The following ATP8B4 variants were observed in gnomAD, a reference collection of about 807,000 sequenced individuals.
ATP8B4 encodes probable phospholipid-transporting ATPase IM.
A neutral mutation model predicts 145.6 loss-of-function variants in ATP8B4; 133 were observed. That is an observed-to-expected ratio of 0.91 (90% CI 0.79 to 1.05). The LOEUF is 1.05. Among genes scored for constraint, ATP8B4 ranks in the 50% least tolerant of loss-of-function variants. The probability of loss-of-function intolerance (pLI) is 0.00; values close to 1 mark genes in which losing one functional copy is unlikely to be tolerated. For missense variants in ATP8B4, 1,458 were observed against 1,425.2 expected, an observed-to-expected ratio of 1.02 and a Z score of -0.37; for synonymous variants, 507 against 492.9, an observed-to-expected ratio of 1.03 and a Z score of -0.38.
At chr15:50,177,913 A>G (rs2044787625) in intron 1 of ATP8B4, among the ~76,000 whole-genome samples, 1 of 152,200 alleles carries the variant, frequency 6.6e-6, no homozygotes. Flanking sequence ...CTTTAAAAGA[A>G]CATTTGAGAT....
At chr15:49,864,579 A>G (rs1377033742) in intron 26 of ATP8B4, among the ~76,000 whole-genome samples, 2 of 152,172 alleles carry the variant, frequency 1.3e-5, no homozygotes, top group African/African-American at 4.8e-5. Flanking sequence ...GCTGGGAATC[A>G]TTTTGAAATG....
chr15:49,936,840 T>C (rs972257175), intron 14 of ATP8B4, among the ~76,000 whole-genome samples: 1 of 152,064 alleles, frequency 6.6e-6, no homozygotes, highest in Admixed American at 6.6e-5. Flanking sequence ...ATGTTCTGAG[T>C]CTTTCTTTTC....
intron 1 of ATP8B4, among the ~76,000 whole-genome samples, chr15:50,142,920 T>A (rs2044231441): frequency 6.6e-6 from 1 of 152,158 alleles, no homozygotes; most frequent in African/African-American, 2.4e-5. Context: ...TCCTCCCTTT[T>A]GAGAAGAAAC....
chr15:49,978,846 T>C (rs958035665), intron 12 of ATP8B4, among the ~76,000 whole-genome samples: 3 of 145,804 alleles, frequency 2.1e-5, no homozygotes, highest in Non-Finnish European at 4.5e-5. Flanking sequence ...GTATGTGTTC[T>C]GTTTGTGTGC....
chr15:50,125,642 T>G (rs2057302561), intron 1 of ATP8B4, among the ~76,000 whole-genome samples: 1 of 151,712 alleles, frequency 6.6e-6, no homozygotes, highest in African/African-American at 2.4e-5. Flanking sequence ...AAGACAGGAG[T>G]CTAAGATTTC....
chr15:49,891,575 C>T (rs1435198606), intron 23 of ATP8B4, among the ~76,000 whole-genome samples: 1 of 152,180 alleles, frequency 6.6e-6, no homozygotes, highest in Non-Finnish European at 1.5e-5. Flanking sequence ...ATCTGCCCAC[C>T]TTGGCCTCCC....
At chr15:49,927,819 G>A (rs537549530) in intron 16 of ATP8B4, among the ~76,000 whole-genome samples, 6 of 152,070 alleles carry the variant, frequency 3.9e-5, no homozygotes, top group East Asian at 1.9e-4. Flanking sequence ...CACCTAGAAC[G>A]GCATGTGTGC....
At chr15:49,967,170 G>C (rs1352231905) in intron 13 of ATP8B4, among the ~76,000 whole-genome samples, 2 of 152,166 alleles carry the variant, frequency 1.3e-5, no homozygotes, top group Non-Finnish European at 1.5e-5. Context: ...GGAAAAACCA[G>C]TGCAAAAAAG....
Position 50,008,267 on chromosome 15 carries a change from G to A in ATP8B4, c.435+2578C>T, listed in dbSNP as rs527883388. 2.5e-4 allele frequency among the ~76,000 whole-genome samples: 38 copies of A among 152,262 alleles called. 1 individual carries two copies. The highest frequency in any genetic ancestry group is 8.7e-4 in the African/African-American group (36 of 41,558). On this transcript the variant is annotated intron_variant, in intron 7 of 27. Transcript: ENST00000284509. ...GGAAGCATCACCTAGGTCATGTGGC[G>A]CCACTCCCAGCTCCCAAACTCACCA...
intron 2 of ATP8B4, among the ~76,000 whole-genome samples, chr15:50,075,993 A>G (rs1037730264): frequency 3.3e-5 from 5 of 152,244 alleles, no homozygotes; most frequent in Admixed American, 2.6e-4. Flanking sequence ...GGTATGCTGC[A>G]TGTAATTAAT....
intron 1 of ATP8B4, among the ~76,000 whole-genome samples, chr15:50,137,499 C>T (rs1461676580): frequency 6.6e-6 from 1 of 152,214 alleles, no homozygotes; most frequent in African/African-American, 2.4e-5. Context: ...GACATTTAAA[C>T]ATCTTGACTA....
At chr15:50,149,387 A>C (rs181573641) in intron 1 of ATP8B4, among the ~76,000 whole-genome samples, 6 of 152,290 alleles carry the variant, frequency 3.9e-5, no homozygotes, top group African/African-American at 7.2e-5. Flanking sequence ...TCTTCAAATC[A>C]GTCAGACCTG....
rs7162172 is a variant in ATP8B4 at position 50,072,644 on chromosome 15, T to G, written c.87+1483A>C. On this transcript the variant is annotated intron_variant, in intron 3 of 27. Transcript: ENST00000284509. The stretch of plus-strand genomic sequence containing the variant: ...CTTTTGTTTTTTTTTCCTTTCGAGA[T>G]GGAGTCTCCCTCTGTCACCCAGGCT... Among the ~76,000 whole-genome samples, 177 of 151,434 alleles carry G rather than the reference T, an allele frequency of 1.2e-3. 1 individual carries two copies. Among genetic ancestry groups the G allele is most frequent in the African/African-American group, 4.0e-3 (164 of 41,242 alleles).
chr15:49,972,497 G>A, intron 13 of ATP8B4, 85 bp downstream of exon 13: 1 of 1,342,868 alleles, frequency 7.4e-7, no homozygotes, highest in Non-Finnish European at 1.0e-6. Flanking sequence ...CGACTGTTTT[G>A]GATTTTTAAA....
chr15:50,104,823 C>T (rs2056580589), intron 2 of ATP8B4, among the ~76,000 whole-genome samples: 1 of 150,564 alleles, frequency 6.6e-6, no homozygotes, highest in African/African-American at 2.4e-5. Flanking sequence ...TGGAAGCAGC[C>T]AAAATGCCCA....
chr15:49,882,250 A>G (rs2035540205), intron 23 of ATP8B4, among the ~76,000 whole-genome samples: 1 of 151,950 alleles, frequency 6.6e-6, no homozygotes, highest in Non-Finnish European at 1.5e-5. Flanking sequence ...GCGACCCCAC[A>G]GGGTCCCAGC....
intron 2 of ATP8B4, among the ~76,000 whole-genome samples, chr15:50,104,803 G>A (rs1315925314): frequency 6.6e-6 from 1 of 150,814 alleles, no homozygotes; most frequent in African/African-American, 2.4e-5. Context: ...ATTCTCAATC[G>A]CAAAAAATAT....
intron 14 of ATP8B4, among the ~76,000 whole-genome samples, chr15:49,960,517 C>G (rs2043973507): frequency 6.6e-6 from 1 of 152,104 alleles, no homozygotes; most frequent in Admixed American, 6.5e-5. Context: ...TATATTTGGA[C>G]TTATATTTTA....
At chr15:50,007,453 G>A (rs28413143) in intron 7 of ATP8B4, among the ~76,000 whole-genome samples, 2,844 of 152,304 alleles carry the variant, frequency 0.019, 105 homozygotes, top group African/African-American at 0.066. Flanking sequence ...TCCCATTGGC[G>A]AGCTGTTTGA....
Sources: gnomAD v4.1 joint callset for allele counts (sites outside exome capture counted in the v4.1 genomes callset) on GRCh38, gnomAD v4.1.1 for gene constraint, MANE v1.5 for transcripts, NCBI Gene and HGNC (gene_info 2026-07-23, HGNC 2026-07-21) for gene names.